Variants in SLC25A17 observed in about 807,000 individuals in gnomAD.
SLC25A17 encodes solute carrier family 25 member 17, also known as peroxisomal membrane protein PMP34.
In SLC25A17, 26 loss-of-function variants were observed where a neutral mutation model predicts 38.5. The ratio of observed to expected loss-of-function variants is 0.68; its 90% CI spans 0.50 to 0.94. The LOEUF (loss-of-function observed/expected upper bound fraction) is 0.94. Among genes scored for constraint, SLC25A17 ranks in the 40% least tolerant of loss-of-function variants. SLC25A17 has a pLI of 0.00. For missense variants in SLC25A17, 333 were observed against 372.7 expected (o/e 0.89, Z 0.88); for synonymous variants, 139 against 136.2 (o/e 1.02, Z -0.14).
chr22:40,771,111 T>C (rs2057178632), intron 8 of SLC25A17, 130 bp from the exon 9 acceptor site: 3 of 831,154 alleles, frequency 3.6e-6, no homozygotes, highest in Non-Finnish European at 5.2e-6. Flanking sequence ...GTTGTCAAAG[T>C]ACTTTCCTTT....
At chr22:40,778,542 A>T (rs936426794) in intron 5 of SLC25A17, among the ~76,000 whole-genome samples, 14 of 152,232 alleles carry the variant, frequency 9.2e-5, no homozygotes, top group African/African-American at 3.4e-4. Context: ...GGATGCCGAG[A>T]TTTGAGGTTG....
At chr22:40,804,882 G>A (rs1277213961) in intron 1 of SLC25A17, among the ~76,000 whole-genome samples, 2 of 152,088 alleles carry the variant, frequency 1.3e-5, no homozygotes, top group Non-Finnish European at 2.9e-5. Context: ...GGTCAAGGCA[G>A]GTGGATCACT....
At chr22:40,777,426 G>A (rs942687417) in intron 5 of SLC25A17, 53 bp from the exon 6 acceptor site, 1 of 1,560,516 alleles carries the variant, frequency 6.4e-7, no homozygotes, top group Admixed American at 1.9e-5. Context: ...CCCCCAACTA[G>A]AGAAGACAAC....
intron 1 of SLC25A17, among the ~76,000 whole-genome samples, 187 bp downstream of exon 1, chr22:40,819,008 G>A (rs1281901627): frequency 6.6e-6 from 1 of 152,040 alleles, no homozygotes; most frequent in Admixed American, 6.6e-5. Context: ...GCGGAGTCTC[G>A]GCCCTTACCC....
chr22:40,780,414 T>C (rs1298292799), intron 4 of SLC25A17, among the ~76,000 whole-genome samples: 1 of 152,250 alleles, frequency 6.6e-6, no homozygotes, highest in Non-Finnish European at 1.5e-5. Flanking sequence ...GCTCATACAT[T>C]GTCACTGGAG....
At chr22:40,784,823 A>G (rs1248923877) in intron 4 of SLC25A17, among the ~76,000 whole-genome samples, 1 of 151,640 alleles carries the variant, frequency 6.6e-6, no homozygotes, top group Non-Finnish European at 1.5e-5. Flanking sequence ...AAAAAAAATA[A>G]CCTTGAAGGT....
chr22:40,818,243 G>A (rs530576943), intron 1 of SLC25A17, among the ~76,000 whole-genome samples: 12 of 152,188 alleles, frequency 7.9e-5, no homozygotes, highest in African/African-American at 2.2e-4. Context: ...AGAAAAGGCA[G>A]TCAAAGAGAT....
At chr22:40,775,078 G>C (rs2057227582) in intron 7 of SLC25A17, among the ~76,000 whole-genome samples, 1 of 151,990 alleles carries the variant, frequency 6.6e-6, no homozygotes, top group Non-Finnish European at 1.5e-5. Flanking sequence ...AGCCACAACA[G>C]TCTTCTTCAA....
At chr22:40,771,114 T>C (rs955864308) in intron 8 of SLC25A17, 133 bp from the exon 9 acceptor site, 2 of 811,762 alleles carry the variant, frequency 2.5e-6, no homozygotes, top group African/African-American at 1.8e-5. Context: ...GTCAAAGTAC[T>C]TTCCTTTTTT....
intron 5 of SLC25A17, 62 bp downstream of exon 5, chr22:40,778,947 A>G (rs776466156): frequency 5.1e-6 from 7 of 1,380,338 alleles, no homozygotes; most frequent in Non-Finnish European, 6.2e-6. Flanking sequence ...ATGTGGCAAC[A>G]TATTCCAGAT....
intron 1 of SLC25A17, among the ~76,000 whole-genome samples, chr22:40,799,996 A>G (rs530240032): frequency 6.6e-6 from 1 of 152,300 alleles, no homozygotes; most frequent in East Asian, 1.9e-4. Context: ...AAACCAAAAT[A>G]CCCGGTAATT....
At chr22:40,792,391 T>C in intron 4 of SLC25A17, 134 bp downstream of exon 4, 1 of 713,958 alleles carries the variant, frequency 1.4e-6, no homozygotes, top group Non-Finnish European at 2.2e-6. Flanking sequence ...TTTAACACAA[T>C]TAAAAAAAAA....
At chr22:40,773,868 T>C in intron 8 of SLC25A17, 69 bp downstream of exon 8, 4 of 1,093,570 alleles carry the variant, frequency 3.7e-6, no homozygotes, top group Non-Finnish European at 5.7e-6. Context: ...GAGAGGGAAA[T>C]GCAACCCCTC....
intron 4 of SLC25A17, among the ~76,000 whole-genome samples, chr22:40,783,502 A>G (rs1485194509): frequency 2.0e-5 from 3 of 151,930 alleles, no homozygotes; most frequent in Non-Finnish European, 4.4e-5. Flanking sequence ...ATTTTATTTT[A>G]TTTTGTTTTT....
intron 5 of SLC25A17, 37 bp downstream of exon 5, chr22:40,778,972 A>G: frequency 6.5e-7 from 1 of 1,549,546 alleles, no homozygotes; most frequent in Non-Finnish European, 8.9e-7. Flanking sequence ...AGAAGGAAGA[A>G]AACCCTTAAA....
intron 1 of SLC25A17, among the ~76,000 whole-genome samples, chr22:40,818,214 A>G (rs1336358050): frequency 1.3e-5 from 2 of 152,188 alleles, no homozygotes; most frequent in African/African-American, 4.8e-5. Flanking sequence ...GTGTGTGCTA[A>G]CAACTGGTGA....
At chr22:40,812,016 TCTTTTTC>T (rs2057586774) in intron 1 of SLC25A17, among the ~76,000 whole-genome samples, 2 of 152,056 alleles carry the variant, frequency 1.3e-5, no homozygotes, top group African/African-American at 4.8e-5. Context: ...TGGATTTCTT[TCTTTTTC>T]TCTTTTTCTT....
At chr22:40,798,999 A>C (rs777498183) in intron 2 of SLC25A17, 24 bp downstream of exon 2, 1 of 1,525,788 alleles carries the variant, frequency 6.6e-7, no homozygotes, top group East Asian at 2.3e-5. Context: ...ACACCATACA[A>C]ATAGGAGTAT....
chr22:40,807,202 G>A (rs1173652769), intron 1 of SLC25A17, among the ~76,000 whole-genome samples: 1 of 152,158 alleles, frequency 6.6e-6, no homozygotes, highest in African/African-American at 2.4e-5. Flanking sequence ...AAATACCACT[G>A]AACTATGCTT....
Sources: allele counts gnomAD v4.1 joint callset (sites outside exome capture counted in the v4.1 genomes callset), GRCh38; gene constraint gnomAD v4.1.1; transcripts MANE v1.5; gene names NCBI Gene and HGNC (gene_info 2026-07-23, HGNC 2026-07-21).